Variants in DAZL observed in about 807,000 individuals in gnomAD.
DAZL encodes the protein deleted in azoospermia-like.
DAZL carries 4 observed loss-of-function variants against 45.0 expected under a neutral mutation model. That is an observed-to-expected ratio of 0.09 (90% CI 0.04 to 0.20). The LOEUF (loss-of-function observed/expected upper bound fraction) is 0.20. DAZL is among the 10% of genes least tolerant of loss of function. The pLI is 1.00. For synonymous variants in DAZL, 122 were observed against 112.4 expected, an observed-to-expected ratio of 1.09 and a Z score of -0.54; for missense variants, 326 against 351.3, an observed-to-expected ratio of 0.93 and a Z score of 0.58.
At chr3:16,589,656 G>T (rs1037519104) in intron 10 of DAZL, among the ~76,000 whole-genome samples, 3 of 152,180 alleles carry the variant, frequency 2.0e-5, no homozygotes, top group African/African-American at 7.2e-5. Context: ...AATAGGTCTA[G>T]ATGTCAGACA....
At chr3:16,594,098 G>A (rs1054237190) in intron 8 of DAZL, among the ~76,000 whole-genome samples, 1 of 152,140 alleles carries the variant, frequency 6.6e-6, no homozygotes, top group African/African-American at 2.4e-5. Context: ...GGGTGTTTTA[G>A]ACGTAATACT....
chr3:16,605,303 G>A lies in DAZL; in HGVS notation c.-98C>T. ...GCTGCTGTGAGGTCCGCTGGAACCC[G>A]CTGCGCGGCTTCGAGTGGTCAAAGG... On this transcript the variant is annotated 5_prime_UTR_variant, in exon 1 of 11. Coordinates refer to ENST00000399444, the MANE Select transcript of DAZL (RefSeq NM_001351.4). 2.1e-6 allele frequency: 3 copies of A among 1,461,342 alleles called. No homozygotes were observed. Among genetic ancestry groups the A allele is most frequent in the South Asian group, 1.1e-5 (1 of 87,984 alleles). The allele number at this position is 1,461,342 out of a possible 1,614,324, so 90.5% of individuals were successfully genotyped here.
At chr3:16,589,471 TA>T (rs1694485976) in intron 10 of DAZL, among the ~76,000 whole-genome samples, 1 of 152,146 alleles carries the variant, frequency 6.6e-6, no homozygotes. Context: ...CTATTTAAGT[TA>T]AAATCTAGAA....
At position 16,587,433 on chromosome 3, in the gene DAZL, T is replaced by C. The variant is rs1694453734; in HGVS notation, c.*1227A>G. On this transcript the variant is annotated 3_prime_UTR_variant, in exon 11 of 11. Coordinates refer to ENST00000399444, the MANE Select transcript of DAZL (RefSeq NM_001351.4). ...CCAGGGTTTGGCCCTTGAACTGCTC[T>C]GCTCATACAGCTACTTTCATTCTTT... The C allele has an allele frequency of 6.6e-6, 1 of 152,632 alleles. No individual in the cohort carries two copies. The highest frequency in any genetic ancestry group is 1.5e-5 in the Non-Finnish European group (1 of 68,042). 9.5% of individuals were successfully genotyped at this position (152,632 alleles called of 1,614,324 possible). A position where few individuals can be genotyped will look rare whatever the true frequency, so the allele number is the denominator to read the frequency against.
chr3:16,600,501 CAGTT>C (rs1453123664), intron 1 of DAZL, among the ~76,000 whole-genome samples: 1 of 152,154 alleles, frequency 6.6e-6, no homozygotes, highest in Non-Finnish European at 1.5e-5. Context: ...ACTATTTCTA[CAGTT>C]TTTCCTTTCT....
rs957174206 is a variant in DAZL at position 16,604,795 on chromosome 3, G to T, written c.3+408C>A. The T allele has an allele frequency of 6.7e-6, 9 of 1,343,374 alleles. No individual in the cohort carries two copies. The South Asian group carries it at 1.7e-4, about 25-fold the overall frequency. The allele number at this position is 1,343,374 out of a possible 1,614,324, so 83.2% of individuals were successfully genotyped here. ...GGGGCGGAGGCGCGTGGGAGTGGGGGAGGGGCGGAGGCGCGTGAGTGGGGG... is the reference window on the plus strand; with the variant it reads ...GGGGCGGAGGCGCGTGGGAGTGGGGTAGGGGCGGAGGCGCGTGAGTGGGGG... On this transcript the variant is annotated intron_variant, in intron 1 of 10. Coordinates refer to ENST00000399444, the MANE Select transcript of DAZL (RefSeq NM_001351.4).
At chr3:16,604,739 A>G in intron 1 of DAZL, 1 of 1,358,486 alleles carries the variant, frequency 7.4e-7, no homozygotes. Context: ...TTGCGGAGCC[A>G]CGGGGAGAGC....
At chr3:16,601,228 A>G (rs990964798) in intron 1 of DAZL, among the ~76,000 whole-genome samples, 3 of 152,152 alleles carry the variant, frequency 2.0e-5, no homozygotes, top group African/African-American at 7.2e-5. Flanking sequence ...TACCCTATAC[A>G]AGAGTAAAAC....
chr3:16,596,777 C>T lies in DAZL; in HGVS notation c.471G>A (p.Thr157=). Residue 157 remains threonine, a synonymous_variant, in exon 6 of 11, where the codon ACG becomes ACA. Transcript: ENST00000399444. ...GAACATACTGAGTTATAGGATTCAT[C>T]GTGGTTGTGGGCTGCATATAAGTTT... The part of the protein sequence containing the change: ...NTETYMQPTT[T]MNPITQYVQA... The T allele has an allele frequency of 1.9e-6, 3 of 1,613,758 alleles. No homozygotes were observed. Among genetic ancestry groups the T allele is most frequent in the Non-Finnish European group, 2.5e-6 (3 of 1,179,726 alleles).
intron 7 of DAZL, among the ~76,000 whole-genome samples, chr3:16,594,882 T>C (rs906280873): frequency 2.6e-5 from 4 of 152,090 alleles, no homozygotes; most frequent in Non-Finnish European, 5.9e-5. Context: ...TACAGTCATA[T>C]CTATGTAAAG....
At chr3:16,593,827 C>A in intron 8 of DAZL, 59 bp from the exon 9 acceptor site, 1 of 1,105,576 alleles carries the variant, frequency 9.0e-7, no homozygotes, top group Non-Finnish European at 1.3e-6. Flanking sequence ...TTAAAAGCCA[C>A]TTATTCTTCA....
At chr3:16,590,141 T>C (rs562486944) in intron 10 of DAZL, among the ~76,000 whole-genome samples, 1 of 152,334 alleles carries the variant, frequency 6.6e-6, no homozygotes, top group East Asian at 1.9e-4. Flanking sequence ...TAGACACCTA[T>C]GTAATCATCA....
chr3:16,596,780 G>T lies in DAZL; in HGVS notation c.468C>A (p.Thr156=), dbSNP rs761163000. The change falls in exon 6 of 11, where the codon ACC becomes ACA. Residue 156 remains threonine, a synonymous_variant. Transcript: ENST00000399444. The part of the protein sequence containing the change: ...PNTETYMQPT[T]TMNPITQYVQ... ...CATACTGAGTTATAGGATTCATCGTGGTTGTGGGCTGCATATAAGTTTCAG... is the reference window on the plus strand; with the variant it reads ...CATACTGAGTTATAGGATTCATCGTTGTTGTGGGCTGCATATAAGTTTCAG... 7 of 1,613,768 alleles carry T rather than the reference G, an allele frequency of 4.3e-6. No individual in the cohort carries two copies. Among genetic ancestry groups the T allele is most frequent in the Non-Finnish European group, 5.1e-6 (6 of 1,179,718 alleles).
chr3:16,595,927 A>C (rs1300478644), intron 6 of DAZL, among the ~76,000 whole-genome samples: 1 of 152,044 alleles, frequency 6.6e-6, no homozygotes, highest in Non-Finnish European at 1.5e-5. Context: ...ACTGATTGAA[A>C]ACATATAGGT....
chr3:16,589,138 A>G (rs1694481301), intron 10 of DAZL, among the ~76,000 whole-genome samples: 1 of 152,194 alleles, frequency 6.6e-6, no homozygotes, highest in African/African-American at 2.4e-5. Context: ...CTGAAATTTC[A>G]TGTTTTTAGG....
In DAZL at chr3:16,593,708, T is replaced by G; in HGVS notation, c.682A>C (p.Asn228His). Reference protein sequence around the residue: ...EVDPGAEVVPNECSVHEATPP... With the variant: ...EVDPGAEVVPHECSVHEATPP... ...GTAGCTTCATGAACTGAACATTCAT[T>G]TGGCACAACTTCAGCTCCTGGATCA... The change falls in exon 9 of 11, where the codon AAT becomes CAT. Residue 228 changes from asparagine to histidine, a missense_variant. Coordinates refer to ENST00000399444, the MANE Select transcript of DAZL (RefSeq NM_001351.4). 6.2e-7 allele frequency: 1 copy of G among 1,612,842 alleles called. No homozygotes were observed. The highest frequency in any genetic ancestry group is 1.1e-5 in the South Asian group (1 of 90,836).
chr3:16,596,925 G>A, intron 5 of DAZL, 36 bp from the exon 6 acceptor site: 1 of 1,613,478 alleles, frequency 6.2e-7, no homozygotes, highest in Non-Finnish European at 8.5e-7. Context: ...CCTATTTTTA[G>A]TTCTTTGAAA....
At position 16,587,544 on chromosome 3, in the gene DAZL, G is replaced by C. The variant is rs891478214; in HGVS notation, c.*1116C>G. ...GACTGTGGTATAGCAAAAGGGCTCT[G>C]ATGCTCTAGCTGTTTGTCACAATGT... On this transcript the variant is annotated 3_prime_UTR_variant, in exon 11 of 11. Transcript: ENST00000399444. The C allele has an allele frequency of 3.3e-5, 5 of 152,546 alleles. No homozygotes were observed. Among genetic ancestry groups the C allele is most frequent in the African/African-American group, 1.2e-4 (5 of 41,408 alleles). The allele number at this position is 152,546 out of a possible 1,614,324, so 9.4% of individuals were successfully genotyped here. A position where few individuals can be genotyped will look rare whatever the true frequency, so the allele number is the denominator to read the frequency against.
At chr3:16,594,392 TA>T in intron 8 of DAZL, 140 bp downstream of exon 8, 1 of 645,408 alleles carries the variant, frequency 1.5e-6, no homozygotes, top group Non-Finnish European at 2.5e-6. Context: ...AAAAAGAAAG[TA>T]ACAAAATGTA....
Sources: gnomAD v4.1 joint callset for allele counts (sites outside exome capture counted in the v4.1 genomes callset) on GRCh38, gnomAD v4.1.1 for gene constraint, MANE v1.5 for transcripts, NCBI Gene and HGNC (gene_info 2026-07-23, HGNC 2026-07-21) for gene names.